The following COG5 variants were observed in gnomAD, a reference collection of about 807,000 sequenced individuals.
COG5 encodes component of oligomeric golgi complex 5.
A neutral mutation model predicts 110.4 loss-of-function variants in COG5; 86 were observed. The ratio of observed to expected loss-of-function variants is 0.78; its 90% CI spans 0.65 to 0.93. The LOEUF (loss-of-function observed/expected upper bound fraction) is 0.93, where lower values mean the gene tolerates loss of function less well. Among genes scored for constraint, COG5 ranks in the 40% least tolerant of loss-of-function variants. COG5 has a pLI of 0.00. For missense variants in COG5, 1,077 were observed against 987.0 expected (o/e 1.09, Z -1.22); for synonymous variants, 360 against 334.6 (o/e 1.08, Z -0.83).
At chr7:107,561,724 C>G (rs1398341549) in intron 1 of COG5, among the ~76,000 whole-genome samples, 3 of 152,194 alleles carry the variant, frequency 2.0e-5, no homozygotes, top group Non-Finnish European at 4.4e-5. Context: ...CGCCTGTAAT[C>G]CCAGCACTCT....
intron 14 of COG5, among the ~76,000 whole-genome samples, chr7:107,276,768 T>C (rs1172351351): frequency 2.6e-5 from 4 of 152,222 alleles, no homozygotes; most frequent in Non-Finnish European, 4.4e-5. Flanking sequence ...AATAATTTGT[T>C]CAGTTTAATC....
rs756358916 is a variant in COG5, at chr7:107,294,881, TTGTGTGTGTGTGTGTGTGTGTGTG to T, written c.1313+3237_1313+3260del. On this transcript the variant is annotated intron_variant, in intron 12 of 21. Coordinates refer to ENST00000297135, the MANE Select transcript of COG5 (RefSeq NM_006348.5). ...TAGGCATGTGCCACCATGCCTGGAT[TTGTGTGTGTGTGTGTGTGTGTGTG>T]TGTGTGTGTGTGTGTGTGTATATAT... Among the ~76,000 whole-genome samples, 9 of 94,274 alleles carry T rather than the reference TTGTGTGTGTGTGTGTGTGTGTGTG, an allele frequency of 9.5e-5. No homozygotes were observed. In the East Asian group the frequency reaches 2.4e-3, roughly 25 times the overall value. 61.8% of individuals were successfully genotyped at this position (94,274 alleles called of 152,430 possible).
intron 11 of COG5, among the ~76,000 whole-genome samples, chr7:107,312,433 T>C (rs1388136041): frequency 6.6e-6 from 1 of 152,152 alleles, no homozygotes; most frequent in African/African-American, 2.4e-5. Flanking sequence ...AGTGCTGAAA[T>C]CGGGTACATT....
intron 17 of COG5, among the ~76,000 whole-genome samples, chr7:107,238,849 T>C (rs1482320994): frequency 2.0e-5 from 3 of 152,168 alleles, no homozygotes; most frequent in Non-Finnish European, 4.4e-5. Context: ...CAGGTTGTTT[T>C]CTTGTTATTG....
At chr7:107,530,447 C>A (rs1801115110) in intron 5 of COG5, among the ~76,000 whole-genome samples, 1 of 151,872 alleles carries the variant, frequency 6.6e-6, no homozygotes, top group African/African-American at 2.4e-5. Context: ...ACTAAAAATA[C>A]AAAATTAGCT....
At chr7:107,381,311 A>T (rs554241855) in intron 7 of COG5, among the ~76,000 whole-genome samples, 15 of 152,340 alleles carry the variant, frequency 9.8e-5, no homozygotes, top group African/African-American at 3.6e-4. Flanking sequence ...TCTAGAAAAG[A>T]GAGGTAAACA....
rs766158506 is a variant in COG5, at chr7:107,474,411, C to G, written c.538+52826G>C. 1 of 1,612,862 alleles carries G rather than the reference C, an allele frequency of 6.2e-7. No homozygotes were observed. The highest frequency in any genetic ancestry group is 1.3e-5 in the African/African-American group (1 of 74,874). On this transcript the variant is annotated intron_variant, in intron 6 of 21. Transcript: ENST00000297135. The surrounding 1 kb of genome is among the most constrained non-coding windows in gnomAD (Gnocchi z 5.7). ...GTAACACTGCTCTCATTTGCTGTTT[C>G]CATGAGGCTTGTGTATCTTTTGCAA...
chr7:107,267,189 C>T (rs1289237363), intron 14 of COG5, among the ~76,000 whole-genome samples: 3 of 152,294 alleles, frequency 2.0e-5, no homozygotes, highest in East Asian at 3.9e-4. Flanking sequence ...CCAATTCCTA[C>T]CACACAAAGC....
chr7:107,549,914 C>A (rs760942715), intron 3 of COG5, among the ~76,000 whole-genome samples: 1 of 152,156 alleles, frequency 6.6e-6, no homozygotes, highest in East Asian at 1.9e-4. Context: ...ATTTTATACA[C>A]ACACACACAT....
At chr7:107,222,734 C>G (rs1279902149) in intron 19 of COG5, among the ~76,000 whole-genome samples, 1 of 152,114 alleles carries the variant, frequency 6.6e-6, no homozygotes, top group African/African-American at 2.4e-5. Context: ...ATCTAAAGTG[C>G]TTTATGAAAC....
At chr7:107,230,733 C>G in intron 18 of COG5, 42 bp from the exon 19 acceptor site, 2 of 1,456,466 alleles carry the variant, frequency 1.4e-6, no homozygotes, top group Non-Finnish European at 9.6e-7. Context: ...ATGTCAGAAT[C>G]ATTAGGGGAA....
chr7:107,483,949 T>C (rs1160996194), intron 6 of COG5, among the ~76,000 whole-genome samples: 1 of 151,790 alleles, frequency 6.6e-6, no homozygotes, highest in East Asian at 1.9e-4. Context: ...AAAGAGTATG[T>C]AATCCAAAAC....
intron 8 of COG5, among the ~76,000 whole-genome samples, chr7:107,364,588 C>T (rs1813431185): frequency 6.6e-6 from 1 of 152,078 alleles, no homozygotes; most frequent in Admixed American, 6.5e-5. Context: ...AATTGAAAGG[C>T]ATACATTTCA....
chr7:107,458,733 C>A (rs952969109), intron 6 of COG5, among the ~76,000 whole-genome samples: 2 of 151,982 alleles, frequency 1.3e-5, no homozygotes, highest in Admixed American at 6.6e-5. Context: ...GTGGTAAGTG[C>A]TTGTAGTTTC....
chr7:107,514,680 T>C lies in COG5; in HGVS notation c.538+12557A>G, dbSNP rs143665818. Among the ~76,000 whole-genome samples the C allele has an allele frequency of 1.3e-3, 191 of 152,308 alleles. 2 individuals are homozygous for C. Among genetic ancestry groups the C allele is most frequent in the African/African-American group, 4.4e-3 (182 of 41,572 alleles). On this transcript the variant is annotated intron_variant, in intron 6 of 21. Coordinates refer to ENST00000297135, the MANE Select transcript of COG5 (RefSeq NM_006348.5). ...TCCTTAGGACCCACTGGAATATACA[T>C]TCTACAAAGGGTAGGGGGTTTCTGT...
chr7:107,273,756 G>T (rs1218676485), intron 14 of COG5, among the ~76,000 whole-genome samples: 1 of 151,838 alleles, frequency 6.6e-6, no homozygotes, highest in African/African-American at 2.4e-5. Flanking sequence ...TTCTAGGGTG[G>T]GTGTGGAGGA....
At chr7:107,476,330 T>C (rs1486659905) in intron 6 of COG5, among the ~76,000 whole-genome samples, 1 of 150,824 alleles carries the variant, frequency 6.6e-6, no homozygotes, top group Admixed American at 6.6e-5. Flanking sequence ...TAAATCATTA[T>C]AGAAAAGTCT....
chr7:107,382,573 G>C (rs1228190622), intron 7 of COG5, among the ~76,000 whole-genome samples: 2 of 152,062 alleles, frequency 1.3e-5, no homozygotes, highest in Non-Finnish European at 2.9e-5. Flanking sequence ...CAGTAGCTGG[G>C]AATATAGGTG....
chr7:107,424,125 T>G (rs1212751274), intron 6 of COG5, among the ~76,000 whole-genome samples: 2 of 151,514 alleles, frequency 1.3e-5, no homozygotes, highest in Admixed American at 1.3e-4. Context: ...TACAAAAAAT[T>G]AGCAGGGTGT....
Sources: allele counts gnomAD v4.1 joint callset (sites outside exome capture counted in the v4.1 genomes callset), GRCh38; gene constraint gnomAD v4.1.1; non-coding constraint Gnocchi (gnomAD v3.1); transcripts MANE v1.5; gene names NCBI Gene and HGNC (gene_info 2026-07-23, HGNC 2026-07-21).